Variants in BANK1 observed in about 807,000 individuals in gnomAD.
The protein encoded by BANK1 is B-cell scaffold protein with ankyrin repeats.
Under a neutral mutation model 94.5 loss-of-function variants are expected in BANK1, and 95 were observed. The observed-to-expected ratio is 1.00, with a 90% CI of 0.85 to 1.19. The LOEUF (loss-of-function observed/expected upper bound fraction) is 1.19. Among genes scored for constraint, BANK1 ranks in the 50% most tolerant of loss-of-function variants. The pLI is 0.00. For synonymous variants in BANK1, 334 were observed against 308.4 expected (o/e 1.08, Z -0.87); for missense variants, 987 against 932.2 (o/e 1.06, Z -0.77).
chr4:101,950,747 C>T (rs1332954290), intron 7 of BANK1, among the ~76,000 whole-genome samples: 1 of 152,128 alleles, frequency 6.6e-6, no homozygotes, highest in Non-Finnish European at 1.5e-5. Flanking sequence ...ACAAACACTA[C>T]CTCAGCCAGG....
intron 1 of BANK1, among the ~76,000 whole-genome samples, chr4:101,824,841 G>A (rs988521347): frequency 3.3e-5 from 5 of 152,050 alleles, no homozygotes; most frequent in Non-Finnish European, 5.9e-5. Flanking sequence ...TTGAAGCTGT[G>A]CATATGGAAT....
chr4:102,068,551 G>T (rs546576162), intron 13 of BANK1, among the ~76,000 whole-genome samples: 1 of 152,202 alleles, frequency 6.6e-6, no homozygotes, highest in Non-Finnish European at 1.5e-5. Flanking sequence ...CTCTGGCCGG[G>T]TATGGTGGCT....
chr4:101,999,784 G>C (rs913985544), intron 7 of BANK1, among the ~76,000 whole-genome samples: 3 of 152,184 alleles, frequency 2.0e-5, no homozygotes, highest in Admixed American at 6.5e-5. Flanking sequence ...AGATTTCTCA[G>C]TGACCTGGGA....
intron 7 of BANK1, among the ~76,000 whole-genome samples, chr4:102,011,723 T>G (rs567330774): frequency 3.9e-5 from 6 of 152,200 alleles, no homozygotes; most frequent in Non-Finnish European, 8.8e-5. Context: ...AAGTTTTCCA[T>G]TTTATTTCAC....
intron 1 of BANK1, among the ~76,000 whole-genome samples, chr4:101,827,277 CTT>C (rs1726402554): frequency 6.6e-6 from 1 of 151,642 alleles, no homozygotes; most frequent in Admixed American, 6.6e-5. Flanking sequence ...TACATGCTAT[CTT>C]TAAATATAAA....
intron 3 of BANK1, among the ~76,000 whole-genome samples, chr4:101,860,538 T>C (rs1401178995): frequency 6.6e-6 from 1 of 151,998 alleles, no homozygotes; most frequent in Non-Finnish European, 1.5e-5. Context: ...TCAAGCAATT[T>C]TCTTGCCTCA....
At chr4:101,854,902 A>G (rs565068406) in intron 2 of BANK1, 133 bp from the exon 3 acceptor site, 5 of 605,346 alleles carry the variant, frequency 8.3e-6, no homozygotes, top group South Asian at 2.8e-5. Flanking sequence ...TGGTTCAATT[A>G]TTTCAGCTAT....
At chr4:101,992,517 C>T (rs757635174) in intron 7 of BANK1, among the ~76,000 whole-genome samples, 5 of 152,060 alleles carry the variant, frequency 3.3e-5, no homozygotes, top group South Asian at 2.1e-4. Flanking sequence ...TAGACATAAG[C>T]GTGATGTGTG....
At chr4:101,809,491 A>G (rs565697870) in intron 1 of BANK1, among the ~76,000 whole-genome samples, 1 of 152,124 alleles carries the variant, frequency 6.6e-6, no homozygotes, top group African/African-American at 2.4e-5. Context: ...TGAAATAAAT[A>G]TATATAAAAA....
chr4:101,961,000 A>G (rs1724548840), intron 7 of BANK1, among the ~76,000 whole-genome samples: 1 of 152,174 alleles, frequency 6.6e-6, no homozygotes, highest in South Asian at 2.1e-4. Context: ...AGCAAGAGAA[A>G]AGGAGTTAAT....
chr4:101,881,752 C>T (rs900265157), intron 5 of BANK1, among the ~76,000 whole-genome samples: 6 of 152,070 alleles, frequency 3.9e-5, no homozygotes. Flanking sequence ...AGAATGAGAT[C>T]CTCTCATTTG....
intron 7 of BANK1, among the ~76,000 whole-genome samples, chr4:101,919,172 C>G (rs1560633037): frequency 6.6e-6 from 1 of 151,814 alleles, no homozygotes; most frequent in Non-Finnish European, 1.5e-5. Context: ...GTCAATTCAG[C>G]CTTGGATATT....
At chr4:101,855,276 A>C (rs1727640550) in intron 3 of BANK1, 87 bp downstream of exon 3, 3 of 1,352,888 alleles carry the variant, frequency 2.2e-6, no homozygotes, top group Non-Finnish European at 3.0e-6. Context: ...ACAGGGTCTC[A>C]TTAGGTTGCC....
chr4:101,855,243 G>A (rs1727639219), intron 3 of BANK1, 54 bp downstream of exon 3: 3 of 1,531,326 alleles, frequency 2.0e-6, no homozygotes, highest in Non-Finnish European at 2.7e-6. Flanking sequence ...TGGTGGTGGT[G>A]GTGGTTGTTG....
chr4:102,017,518 G>A (rs1291488815), intron 7 of BANK1, among the ~76,000 whole-genome samples: 1 of 152,212 alleles, frequency 6.6e-6, no homozygotes, highest in African/African-American at 2.4e-5. Context: ...CAGAGGGAGA[G>A]AGAAGCCTGG....
intron 1 of BANK1, among the ~76,000 whole-genome samples, chr4:101,821,965 A>G (rs1010704156): frequency 6.6e-6 from 1 of 152,192 alleles, no homozygotes; most frequent in African/African-American, 2.4e-5. Context: ...GATGTAATCC[A>G]TAAGGGCCAT....
intron 11 of BANK1, among the ~76,000 whole-genome samples, chr4:102,047,022 G>A (rs1211240183): frequency 6.6e-6 from 1 of 152,094 alleles, no homozygotes; most frequent in Non-Finnish European, 1.5e-5. Flanking sequence ...ATAAAACCAG[G>A]AAATTGTTTC....
intron 7 of BANK1, among the ~76,000 whole-genome samples, chr4:101,956,078 C>G (rs1166491351): frequency 6.6e-6 from 1 of 152,096 alleles, no homozygotes; most frequent in Non-Finnish European, 1.5e-5. Context: ...AATGCCACTA[C>G]CCTTTTCATT....
At chr4:102,066,504 G>A (rs1056710208) in intron 13 of BANK1, among the ~76,000 whole-genome samples, 8 of 152,048 alleles carry the variant, frequency 5.3e-5, no homozygotes, top group Non-Finnish European at 7.4e-5. Flanking sequence ...TGATCCGCCC[G>A]CCTCGGCCTC....
Sources: allele counts gnomAD v4.1 joint callset (sites outside exome capture counted in the v4.1 genomes callset), GRCh38; gene constraint gnomAD v4.1.1; transcripts MANE v1.5; gene names NCBI Gene and HGNC (gene_info 2026-07-23, HGNC 2026-07-21).